The following RBFOX1 variants were observed in gnomAD, a reference collection of about 807,000 sequenced individuals.
RBFOX1 encodes the protein RNA binding protein fox-1 homolog 1.
A neutral mutation model predicts 57.7 loss-of-function variants in RBFOX1; 8 were observed. The ratio of observed to expected loss-of-function variants is 0.14; its 90% CI spans 0.08 to 0.25. RBFOX1 has a LOEUF of 0.25. Among genes scored for constraint, RBFOX1 ranks in the 10% least tolerant of loss-of-function variants. The pLI is 1.00. For missense variants in RBFOX1, 611 were observed against 548.5 expected, an observed-to-expected ratio of 1.11 and a Z score of -1.14; for synonymous variants, 326 against 222.4, an observed-to-expected ratio of 1.47 and a Z score of -4.15.
chr16:7,413,496 C>T (rs984090250), intron 4 of RBFOX1, among the ~76,000 whole-genome samples: 3 of 152,086 alleles, frequency 2.0e-5, no homozygotes, highest in African/African-American at 7.2e-5. Flanking sequence ...CACTACCAGC[C>T]TGGGGACCAC....
At chr16:5,598,923 A>T (rs766061378) in exon 3 of RBFOX1, 1 of 1,527,366 alleles carries the variant, frequency 6.5e-7, no homozygotes, top group East Asian at 2.5e-5. Context: ...TGAAAATTCA[A>T]CCCTCCTCCC....
At chr16:5,342,410 G>T (rs1392529430) in intron 1 of RBFOX1, among the ~76,000 whole-genome samples, 1 of 152,176 alleles carries the variant, frequency 6.6e-6, no homozygotes, top group Non-Finnish European at 1.5e-5. Context: ...TAATGCCTCA[G>T]TCTCTAGGTA....
intron 3 of RBFOX1, among the ~76,000 whole-genome samples, chr16:5,688,653 G>T (rs182139463): frequency 1.7e-4 from 26 of 152,290 alleles, no homozygotes; most frequent in African/African-American, 2.4e-4. Flanking sequence ...ACATTAAAGA[G>T]AAATTCATTA....
At chr16:7,356,102 G>C (rs764425018) in intron 4 of RBFOX1, among the ~76,000 whole-genome samples, 1 of 152,184 alleles carries the variant, frequency 6.6e-6, no homozygotes, top group Non-Finnish European at 1.5e-5. Flanking sequence ...ATTGATTGAC[G>C]CATTGTCATC....
At chr16:6,926,015 C>G (rs1365672402) in intron 3 of RBFOX1, among the ~76,000 whole-genome samples, 1 of 152,034 alleles carries the variant, frequency 6.6e-6, no homozygotes. Flanking sequence ...TGCTCAAAAA[C>G]CTCAACTTGC....
chr16:7,310,167 C>T (rs2096276496), intron 4 of RBFOX1, among the ~76,000 whole-genome samples: 1 of 152,176 alleles, frequency 6.6e-6, no homozygotes, highest in African/African-American at 2.4e-5. Context: ...GTGAGCTAGC[C>T]AAATGAGCAA....
chr16:7,345,625 C>T (rs1319078654), intron 4 of RBFOX1, among the ~76,000 whole-genome samples: 1 of 152,092 alleles, frequency 6.6e-6, no homozygotes, highest in East Asian at 1.9e-4. Context: ...GCCGCCGAGT[C>T]CCCTCTCTGT....
At chr16:6,255,760 G>T (rs1171096297) in intron 1 of RBFOX1, among the ~76,000 whole-genome samples, 1 of 152,042 alleles carries the variant, frequency 6.6e-6, no homozygotes, top group Non-Finnish European at 1.5e-5. Flanking sequence ...GATGAAGCTG[G>T]AAACCGTCGT....
chr16:6,523,527 A>T (rs1224822923), intron 2 of RBFOX1, among the ~76,000 whole-genome samples: 2 of 152,150 alleles, frequency 1.3e-5, no homozygotes, highest in Admixed American at 1.3e-4. Flanking sequence ...ACCCTATGCT[A>T]ACTGGATGAC....
intron 11 of RBFOX1, among the ~76,000 whole-genome samples, chr16:7,638,182 T>C (rs955307930): frequency 1.3e-5 from 2 of 152,196 alleles, no homozygotes; most frequent in African/African-American, 4.8e-5. Flanking sequence ...CATGATGATA[T>C]CCATAATCAT....
Position 6,707,744 on chromosome 16 carries a change from C to G in RBFOX1, c.-16+53094C>G, listed in dbSNP as rs568130292. On this transcript the variant is annotated intron_variant, in intron 3 of 15. Coordinates refer to ENST00000550418, the MANE Select transcript of RBFOX1 (RefSeq NM_018723.4). The stretch of plus-strand genomic sequence containing the variant: ...CATAGCACATTTTTAATTCCAGATT[C>G]TGCAACTTTAGTAGCCGTGTAGGAG... Among the ~76,000 whole-genome samples, 21 of 152,276 alleles carry G rather than the reference C, an allele frequency of 1.4e-4. No homozygotes were observed. In the South Asian group the frequency reaches 4.1e-3, roughly 30 times the overall value.
chr16:5,898,147 G>A (rs1040769173), intron 4 of RBFOX1, among the ~76,000 whole-genome samples: 4 of 152,126 alleles, frequency 2.6e-5, no homozygotes, highest in African/African-American at 9.7e-5. Flanking sequence ...TCAAGCAAAA[G>A]CAGGAAAAAT....
At chr16:5,760,423 G>C (rs1464371435) in intron 3 of RBFOX1, among the ~76,000 whole-genome samples, 1 of 151,872 alleles carries the variant, frequency 6.6e-6, no homozygotes, top group Non-Finnish European at 1.5e-5. Flanking sequence ...TACCCCCAAA[G>C]AATTGTAAGT....
In RBFOX1 at chr16:7,297,955, A is replaced by G. The variant is rs2095935232; in HGVS notation, c.28-220192A>G. ...ATTTTACGCACATGCATATGCACAT[A>G]CTTCTGTGGATGTCTATATGCATCC... On this transcript the variant is annotated intron_variant, in intron 4 of 15. Transcript: ENST00000550418. Among the ~76,000 whole-genome samples the G allele has an allele frequency of 2.0e-5, 3 of 152,106 alleles. 1 individual carries two copies. In the South Asian group the frequency reaches 6.2e-4, roughly 32 times the overall value.
At chr16:7,473,499 A>G (rs997461588) in intron 4 of RBFOX1, among the ~76,000 whole-genome samples, 1 of 148,238 alleles carries the variant, frequency 6.7e-6, no homozygotes, top group Admixed American at 6.8e-5. Flanking sequence ...ATGTTTATAT[A>G]TGTACATATG....
intron 2 of RBFOX1, among the ~76,000 whole-genome samples, chr16:6,423,527 A>AG (rs1287119762): frequency 6.6e-6 from 1 of 152,188 alleles, no homozygotes; most frequent in Non-Finnish European, 1.5e-5. Context: ...CGAACCTGGG[A>AG]GGTGAAAATT....
chr16:6,900,438 C>T (rs1433632833), intron 3 of RBFOX1, among the ~76,000 whole-genome samples: 1 of 152,192 alleles, frequency 6.6e-6, no homozygotes. Flanking sequence ...ATCTGCTCTC[C>T]CACTTAAAAC....
intron 3 of RBFOX1, among the ~76,000 whole-genome samples, chr16:6,890,186 A>C (rs1238886450): frequency 1.3e-5 from 2 of 152,236 alleles, no homozygotes; most frequent in East Asian, 3.9e-4. Flanking sequence ...TGGGAGAAAC[A>C]CTGCTGTAAG....
chr16:6,773,460 TGTG>T (rs1217131298), intron 3 of RBFOX1, among the ~76,000 whole-genome samples: 1 of 146,302 alleles, frequency 6.8e-6, no homozygotes, highest in Admixed American at 6.9e-5. Flanking sequence ...AGGGTGCAAT[TGTG>T]TGTGTATGTG....
Sources: gnomAD v4.1 joint callset for allele counts (sites outside exome capture counted in the v4.1 genomes callset) on GRCh38, gnomAD v4.1.1 for gene constraint, MANE v1.5 for transcripts, NCBI Gene and HGNC (gene_info 2026-07-23, HGNC 2026-07-21) for gene names.